The following NCAM2 variants were observed in gnomAD, a reference collection of about 807,000 sequenced individuals.
NCAM2 encodes N-CAM-2.
A neutral mutation model predicts 98.1 loss-of-function variants in NCAM2; 30 were observed. The ratio of observed to expected loss-of-function variants is 0.31; its 90% CI spans 0.23 to 0.41. The LOEUF is 0.41. NCAM2 is among the 10% of genes least tolerant of loss of function. The pLI is 1.00. For synonymous variants in NCAM2, 368 were observed against 342.4 expected (o/e 1.07, Z -0.83); for missense variants, 867 against 1,005.8 (o/e 0.86, Z 1.87).
intron 1 of NCAM2, among the ~76,000 whole-genome samples, chr21:21,051,611 G>A (rs1306099134): frequency 6.6e-6 from 1 of 152,178 alleles, no homozygotes; most frequent in Non-Finnish European, 1.5e-5. Context: ...TTTTGACTTA[G>A]CATTACAGCT....
At chr21:21,292,504 A>C (rs542041340) in intron 5 of NCAM2, among the ~76,000 whole-genome samples, 1 of 152,024 alleles carries the variant, frequency 6.6e-6, no homozygotes, top group South Asian at 2.1e-4. Context: ...CTGGAATTGT[A>C]GTTGTTGAAA....
chr21:21,469,166 A>G (rs1333923232), intron 14 of NCAM2, among the ~76,000 whole-genome samples: 3 of 152,042 alleles, frequency 2.0e-5, no homozygotes, highest in Non-Finnish European at 4.4e-5. Flanking sequence ...CACACCTCAA[A>G]ACAAATTAAT....
chr21:21,000,635 G>A (rs974534182), intron 1 of NCAM2, among the ~76,000 whole-genome samples: 7 of 152,270 alleles, frequency 4.6e-5, no homozygotes, highest in East Asian at 3.9e-4. Flanking sequence ...CAGGGTAGAA[G>A]GAGACCATCA....
At chr21:21,516,638 G>C (rs996288557) in intron 16 of NCAM2, among the ~76,000 whole-genome samples, 2 of 151,774 alleles carry the variant, frequency 1.3e-5, no homozygotes, top group Non-Finnish European at 2.9e-5. Flanking sequence ...TTTCTATTGA[G>C]AAAATCTAGA....
intron 8 of NCAM2, among the ~76,000 whole-genome samples, chr21:21,351,858 C>A (rs557268960): frequency 6.6e-6 from 1 of 152,044 alleles, no homozygotes; most frequent in Non-Finnish European, 1.5e-5. Flanking sequence ...GTGATTCTCC[C>A]GCCTCAGCCT....
chr21:21,215,186 A>G (rs1285052047), intron 1 of NCAM2, among the ~76,000 whole-genome samples: 1 of 152,118 alleles, frequency 6.6e-6, no homozygotes. Flanking sequence ...GTGAAGTTAT[A>G]TGCATAAAAT....
In NCAM2 at chr21:21,330,593, A is replaced by G. The variant is rs1256442268; in HGVS notation, c.738-4912A>G. ...TGGAGAAATCCCTAATATTAAATAGATCAACTCCCTTGATAGTATTGTGGA... is the reference window on the plus strand; with the variant it reads ...TGGAGAAATCCCTAATATTAAATAGGTCAACTCCCTTGATAGTATTGTGGA... On this transcript the variant is annotated intron_variant, in intron 6 of 17. Transcript: ENST00000400546. Among the ~76,000 whole-genome samples the G allele has an allele frequency of 3.3e-5, 5 of 152,100 alleles. No individual in the cohort carries two copies. In the East Asian group the frequency reaches 9.6e-4, roughly 29 times the overall value.
At chr21:21,413,322 T>C (rs2076924750) in intron 10 of NCAM2, among the ~76,000 whole-genome samples, 1 of 152,168 alleles carries the variant, frequency 6.6e-6, no homozygotes, top group Admixed American at 6.6e-5. Context: ...GACTTTCTTA[T>C]CATGGAATAC....
intron 8 of NCAM2, among the ~76,000 whole-genome samples, chr21:21,361,188 C>G (rs2075635384): frequency 6.6e-6 from 1 of 151,998 alleles, no homozygotes; most frequent in Non-Finnish European, 1.5e-5. Context: ...CCTCATTGAT[C>G]ATTACCATAA....
chr21:21,301,989 T>C (rs2073729058), intron 5 of NCAM2, among the ~76,000 whole-genome samples: 1 of 142,006 alleles, frequency 7.0e-6, no homozygotes, highest in Non-Finnish European at 1.5e-5. Context: ...TGTGGAGAAA[T>C]AGGAACACTT....
At chr21:21,385,747 A>G in intron 9 of NCAM2, 1 of 880,874 alleles carries the variant, frequency 1.1e-6, no homozygotes, top group Non-Finnish European at 1.5e-6. Context: ...TAATGCAGTA[A>G]GCACTGGTTA....
intron 12 of NCAM2, among the ~76,000 whole-genome samples, chr21:21,433,742 C>CAAGAAAATAA (rs1455839939): frequency 9.5e-6 from 1 of 105,200 alleles, no homozygotes. Flanking sequence ...GACTCCATCT[C>CAAGAAAATAA]AATAAAATAA....
At position 21,491,916 on chromosome 21, in the gene NCAM2, TTTC is replaced by T. The variant is rs1244548897; in HGVS notation, c.2077+14448_2077+14450del. 6.6e-5 allele frequency among the ~76,000 whole-genome samples: 10 copies of T among 151,620 alleles called. No homozygotes were observed. In the East Asian group the frequency reaches 1.9e-3, roughly 29 times the overall value. On this transcript the variant is annotated intron_variant, in intron 15 of 17. Transcript: ENST00000400546. ...TTTGAAACATACACCAGAACAGTTA[TTTC>T]TTTTTATTATTTTTGTTTTTATTTT...
intron 17 of NCAM2, among the ~76,000 whole-genome samples, chr21:21,536,166 G>C (rs111433584): frequency 2.0e-5 from 3 of 151,876 alleles, no homozygotes; most frequent in African/African-American, 7.2e-5. Flanking sequence ...TTGGTACAAT[G>C]TTTTTTAATG....
chr21:21,056,600 A>G (rs2065218283), intron 1 of NCAM2, among the ~76,000 whole-genome samples: 1 of 151,292 alleles, frequency 6.6e-6, no homozygotes, highest in Non-Finnish European at 1.5e-5. Context: ...AATCTTTTCA[A>G]TCACAAAGAC....
chr21:21,035,008 A>G lies in NCAM2; in HGVS notation c.55+36390A>G, dbSNP rs181250968. On this transcript the variant is annotated intron_variant, in intron 1 of 17. Transcript: ENST00000400546. The stretch of plus-strand genomic sequence containing the variant: ...CACACCCTCAAACTTGTCTGTAACA[A>G]CTGTATGAATTGGGTAAATTCCTCT... Among the ~76,000 whole-genome samples the G allele has an allele frequency of 9.5e-4, 144 of 152,290 alleles. 1 individual carries two copies. In the East Asian group the frequency reaches 0.021, roughly 22 times the overall value.
intron 1 of NCAM2, among the ~76,000 whole-genome samples, chr21:21,113,498 G>T (rs1185444424): frequency 2.0e-5 from 3 of 152,074 alleles, no homozygotes. Flanking sequence ...GAAGAAGTAA[G>T]TGTGGATTAT....
intron 8 of NCAM2, among the ~76,000 whole-genome samples, chr21:21,351,864 A>G (rs1356274423): frequency 6.6e-6 from 1 of 152,076 alleles, no homozygotes; most frequent in Non-Finnish European, 1.5e-5. Flanking sequence ...CTCCCGCCTC[A>G]GCCTCTGGAG....
intron 1 of NCAM2, among the ~76,000 whole-genome samples, chr21:21,037,489 GA>G (rs2064822630): frequency 6.6e-6 from 1 of 152,074 alleles, no homozygotes; most frequent in African/African-American, 2.4e-5. Flanking sequence ...GAGATTAAAT[GA>G]TTTTTAGTTG....
Sources: gnomAD v4.1 joint callset for allele counts (sites outside exome capture counted in the v4.1 genomes callset) on GRCh38, gnomAD v4.1.1 for gene constraint, MANE v1.5 for transcripts, NCBI Gene and HGNC (gene_info 2026-07-23, HGNC 2026-07-21) for gene names.